The following PIF1 variants were observed in gnomAD, a reference collection of about 807,000 sequenced individuals.
PIF1 encodes the protein ATP-dependent DNA helicase PIF1.
Under a neutral mutation model 62.3 loss-of-function variants are expected in PIF1, and 67 were observed. The observed-to-expected ratio is 1.08, with a 90% confidence interval of 0.88 to 1.32. The LOEUF (loss-of-function observed/expected upper bound fraction) is 1.32. Ranked by LOEUF, PIF1 falls within the 40% of genes most tolerant of loss-of-function variation. PIF1 has a pLI of 0.00. For synonymous variants in PIF1, 364 were observed against 379.5 expected (o/e 0.96, Z 0.47); for missense variants, 886 against 866.1 (o/e 1.02, Z -0.29).
intron 4 of PIF1, 47 bp from the exon 5 acceptor site, chr15:64,821,567 T>C (rs1055076017): frequency 8.3e-5 from 4 of 48,274 alleles, no homozygotes; most frequent in Non-Finnish European, 9.4e-5. Flanking sequence ...AAGCCTCTCT[T>C]TTTTTTTTTT....
chr15:64,820,521 C>A (rs2084270387), intron 7 of PIF1, among the ~76,000 whole-genome samples: 1 of 152,212 alleles, frequency 6.6e-6, no homozygotes, highest in Admixed American at 6.5e-5. Context: ...CTCAGCCTCC[C>A]AAGTAGCTGG....
Position 64,819,145 on chromosome 15 carries a change from T to C in PIF1, c.1412A>G (p.Gln471Arg). 6.3e-7 allele frequency: 1 copy of C among 1,595,970 alleles called. No homozygotes were observed. The highest frequency in any genetic ancestry group is 8.5e-7 in the Non-Finnish European group (1 of 1,175,032). The change falls in exon 9 of 13, where the codon CAG becomes CGG. Residue 471 changes from glutamine to arginine, a missense_variant. Physicochemically the swap from Gln to Arg is conservative, Grantham distance 43. Transcript: ENST00000559239. ...GGCCCCCAGCTTTAGTTGAAGGAGCTGGCTAACAGGACACTGGGCATCCAG... is the reference window on the plus strand; with the variant it reads ...GGCCCCCAGCTTTAGTTGAAGGAGCCGGCTAACAGGACACTGGGCATCCAG... ...STLDAQCPVS[Q>R]LLQLKLGAQV...
In PIF1 at chr15:64,818,501, C is replaced by T. The variant is rs562642815; in HGVS notation, c.1441-157G>A. ...CACTGGCTGCCTGTGACCCCTGGGG[C>T]AAGTTGCCTTATCTTCCTCGGTCCC... On this transcript the variant is annotated intron_variant, in intron 9 of 12. Transcript: ENST00000559239. The T allele has an allele frequency of 2.3e-5, 15 of 652,906 alleles. No individual in the cohort carries two copies. In the African/African-American group the frequency reaches 2.4e-4, roughly 10 times the overall value. The allele number at this position is 652,906 out of a possible 1,614,324, so 40.4% of individuals were successfully genotyped here. A position where few individuals can be genotyped will look rare whatever the true frequency, so the allele number is the denominator to read the frequency against.
chr15:64,824,966 T>TAC (rs2084347611), intron 1 of PIF1, among the ~76,000 whole-genome samples: 1 of 150,760 alleles, frequency 6.6e-6, no homozygotes, highest in Non-Finnish European at 1.5e-5. Context: ...TATATATATA[T>TAC]ACACACAATA....
chr15:64,823,253 CT>C (rs11353508), intron 2 of PIF1: 138,723 of 145,860 alleles, frequency 0.95, 66,229 homozygotes, highest in South Asian at 0.99. Flanking sequence ...CTCGCTCTCT[CT>C]TTTTTTTTTT....
chr15:64,821,083 C>G lies in PIF1; in HGVS notation c.1092G>C (p.Lys364Asn), dbSNP rs776898108. 1.4e-5 allele frequency: 22 copies of G among 1,607,894 alleles called. No individual in the cohort carries two copies. The highest frequency in any genetic ancestry group is 1.9e-5 in the Non-Finnish European group (22 of 1,174,476). The change falls in exon 7 of 13, where the codon AAG becomes AAC. Residue 364 changes from lysine (K) to asparagine (N), a missense_variant. Coordinates refer to ENST00000559239, the MANE Select transcript of PIF1 (RefSeq NM_001286496.2). ...TCACTGGCACACACCTCTTCCAGCT[C>G]TTGGACTGGTGGGGGCAGGGTGGGG... is the stretch of plus-strand genomic sequence containing the variant. ...SQPPRFCFQS[K>N]SWKRCVPVTL...
chr15:64,819,027 G>T (rs1489337013), intron 9 of PIF1, 90 bp downstream of exon 9: 3 of 929,294 alleles, frequency 3.2e-6, no homozygotes, highest in Non-Finnish European at 4.6e-6. Context: ...CCCACTGGCT[G>T]CAGAGTGGCC....
At chr15:64,826,693 CATATATATACACACACAT>C (rs1376294185), upstream of PIF1, among the ~76,000 whole-genome samples, 90 of 128,918 alleles carry the variant, frequency 7.0e-4, no homozygotes, top group African/African-American at 2.5e-3. Flanking sequence ...TATACACACA[CATATATATACACACACAT>C]ATATATATAC....
In PIF1 at chr15:64,816,121, G is replaced by A. The variant is rs943221771; in HGVS notation, c.*177C>T. 21 of 1,461,354 alleles carry A rather than the reference G, an allele frequency of 1.4e-5. No homozygotes were observed. The Admixed American group carries it at 5.4e-4, about 38-fold the overall frequency. 90.5% of individuals were successfully genotyped at this position (1,461,354 alleles called of 1,614,324 possible). ...AGTGAGAGAAACTGAAGCACAGCTG[G>A]TATATGGGTTTAAAGTACTCTCCCT... On this transcript the variant is annotated 3_prime_UTR_variant, in exon 13 of 13. Coordinates refer to ENST00000559239, the MANE Select transcript of PIF1 (RefSeq NM_001286496.2).
At chr15:64,818,452 C>T (rs892709628) in intron 9 of PIF1, 108 bp from the exon 10 acceptor site, 14 of 1,036,290 alleles carry the variant, frequency 1.4e-5, no homozygotes, top group Non-Finnish European at 2.0e-5. Context: ...CATGGGGACA[C>T]TGAATCCCAA....
At chr15:64,826,624 TTATATATATATATATATATA>T (rs764170884), upstream of PIF1, among the ~76,000 whole-genome samples, 87 of 36,076 alleles carry the variant, frequency 2.4e-3, 2 homozygotes, top group East Asian at 0.015. Flanking sequence ...CCCAGCTAAT[TTATATATATATATATATATA>T]TATATATATA....
chr15:64,826,667 C>CATACAT (rs1315075229), upstream of PIF1, among the ~76,000 whole-genome samples: 15 of 66,566 alleles, frequency 2.3e-4, no homozygotes, highest in African/African-American at 1.1e-3. Flanking sequence ...TATATATATA[C>CATACAT]ACACACACAC....
chr15:64,822,050 A>T, intron 4 of PIF1: 1 of 582,568 alleles, frequency 1.7e-6, no homozygotes, highest in Non-Finnish European at 2.9e-6. Flanking sequence ...GCTAATTTTT[A>T]AATTTTGTGG....
At chr15:64,821,130 AC>A (rs776195307) in intron 6 of PIF1, 36 bp downstream of exon 6, 15 of 1,613,358 alleles carry the variant, frequency 9.3e-6, no homozygotes, top group Non-Finnish European at 1.3e-5. Context: ...AGCAGAGCAG[AC>A]CCCCAAGGAG....
chr15:64,824,117 G>A lies in PIF1; in HGVS notation c.219C>T (p.Ala73=), dbSNP rs1311805767. 3 of 1,273,400 alleles carry A rather than the reference G, an allele frequency of 2.4e-6. No homozygotes were observed. The highest frequency in any genetic ancestry group is 3.0e-6 in the Non-Finnish European group (3 of 1,011,536). 78.9% of individuals were successfully genotyped at this position (1,273,400 alleles called of 1,614,324 possible). ...AGRPRCFPLR[A]ARLFTRFAEA... is the part of the protein sequence containing the mutation. The stretch of plus-strand genomic sequence containing the variant: ...CGGCGAAACGCGTGAAGAGGCGCGC[G>A]GCGCGCAGAGGAAAGCAGCGCGGCC... Residue 73 remains alanine (A), a synonymous_variant, in exon 2 of 13, where the codon GCC becomes GCT. Transcript: ENST00000559239.
rs1049749487 is a variant in PIF1, at chr15:64,819,497, T to C, written c.1334-274A>G. Among the ~76,000 whole-genome samples, 3 of 151,892 alleles carry C rather than the reference T, an allele frequency of 2.0e-5. No individual in the cohort carries two copies. In the East Asian group the frequency reaches 5.8e-4, roughly 29 times the overall value. On this transcript the variant is annotated intron_variant, in intron 8 of 12. Coordinates refer to ENST00000559239, the MANE Select transcript of PIF1 (RefSeq NM_001286496.2). ...AATTTTTTTCTATTTTTAGTAGAGATGGGGTTTTGCCATGTTGGGCAGGCT... is the reference window on the plus strand; with the variant it reads ...AATTTTTTTCTATTTTTAGTAGAGACGGGGTTTTGCCATGTTGGGCAGGCT...
intron 2 of PIF1, chr15:64,823,423 T>G: frequency 5.9e-6 from 1 of 170,558 alleles, no homozygotes; most frequent in Non-Finnish European, 1.2e-5. Flanking sequence ...AATTTTTGTA[T>G]TTTTAGTAGA....
chr15:64,823,690 T>A (rs1187383428), intron 2 of PIF1, 88 bp downstream of exon 2: 2 of 1,007,840 alleles, frequency 2.0e-6, no homozygotes, highest in Non-Finnish European at 2.6e-6. Flanking sequence ...CCACACCGGC[T>A]TCCCCTCAAA....
upstream of PIF1, among the ~76,000 whole-genome samples, chr15:64,826,748 A>G (rs1247599600): frequency 7.1e-6 from 1 of 140,046 alleles, no homozygotes. Context: ...ATACACACAC[A>G]TATATATATA....
Sources: gnomAD v4.1 joint callset for allele counts (sites outside exome capture counted in the v4.1 genomes callset) on GRCh38, gnomAD v4.1.1 for gene constraint, MANE v1.5 for transcripts, NCBI Gene and HGNC (gene_info 2026-07-23, HGNC 2026-07-21) for gene names.